RAPGEF2: variants seen among roughly 807,000 people sequenced by gnomAD.
RAPGEF2 encodes the protein PDZ domain containing guanine nucleotide exchange factor (GEF) 1.
Under a neutral mutation model 186.7 loss-of-function variants are expected in RAPGEF2, and 54 were observed. That is an observed-to-expected ratio of 0.29 (90% CI 0.23 to 0.36). The LOEUF (loss-of-function observed/expected upper bound fraction) is 0.36, where lower values mean the gene tolerates loss of function less well. RAPGEF2 is among the 10% of genes least tolerant of loss of function. RAPGEF2 has a pLI of 1.00. For missense variants in RAPGEF2, 1,532 were observed against 2,045.0 expected (o/e 0.75, Z 4.84); for synonymous variants, 712 against 705.9 (o/e 1.01, Z -0.14).
chr4:159,203,752 T>G (rs1485038267), intron 3 of RAPGEF2, among the ~76,000 whole-genome samples: 1 of 152,092 alleles, frequency 6.6e-6, no homozygotes, highest in Non-Finnish European at 1.5e-5. Context: ...GAGACGATCG[T>G]AAGAGAGGAA....
At chr4:159,279,973 C>G (rs1451370439) in intron 7 of RAPGEF2, among the ~76,000 whole-genome samples, 1 of 152,172 alleles carries the variant, frequency 6.6e-6, no homozygotes, top group Non-Finnish European at 1.5e-5. Flanking sequence ...GTGTGAGCCA[C>G]TGTGCCCGGC....
rs747477830 is a variant in RAPGEF2 at position 159,329,844 on chromosome 4, A to G, written c.1150-14A>G. 3.7e-6 allele frequency: 6 copies of G among 1,605,314 alleles called. No individual in the cohort carries two copies. Among genetic ancestry groups the G allele is most frequent in the South Asian group, 2.2e-5 (2 of 90,122 alleles). ...GCACTTTATCATTAACATGTGACTT[A>G]TGTTTTATTCCAGTTTGTCTGCATA... On this transcript the variant is annotated splice_polypyrimidine_tract_variant and intron_variant, in intron 11 of 29. Coordinates refer to ENST00000691494, the MANE Select transcript of RAPGEF2 (RefSeq NM_001394067.2).
chr4:159,338,370 A>T lies in RAPGEF2; in HGVS notation c.2195A>T (p.His732Leu). The T allele has an allele frequency of 6.2e-7, 1 of 1,614,182 alleles. No individual in the cohort carries two copies. Among genetic ancestry groups the T allele is most frequent in the South Asian group, 1.1e-5 (1 of 91,086 alleles). Residue 732 changes from histidine to leucine, a missense_variant, in exon 18 of 30, where the codon CAC becomes CTC. Coordinates refer to ENST00000691494, the MANE Select transcript of RAPGEF2 (RefSeq NM_001394067.2). ...DSIVGLRQTKHIPTALPVSGT... is the reference protein window; with the variant it reads ...DSIVGLRQTKLIPTALPVSGT... ...ATAGTAGGATTAAGGCAGACAAAGC[A>T]CATCCCAACTGCATTGCCTGTCAGT... is the stretch of plus-strand genomic sequence containing the variant.
chr4:159,145,468 ACCAAAAACATTGCCAAAACATTG>A (rs1405471620), intron 1 of RAPGEF2, among the ~76,000 whole-genome samples: 30 of 151,132 alleles, frequency 2.0e-4, no homozygotes, highest in Non-Finnish European at 4.0e-4. Flanking sequence ...GAGATAATTT[ACCAAAAACATTGCCAAAACATTG>A]CCAAAAACAT....
At chr4:159,218,768 A>AG (rs996743223) in intron 4 of RAPGEF2, among the ~76,000 whole-genome samples, 15 of 152,186 alleles carry the variant, frequency 9.9e-5, no homozygotes, top group Non-Finnish European at 2.1e-4. Flanking sequence ...AAAAAAAAAA[A>AG]GTCGTTTTCT....
chr4:159,220,586 G>A (rs561058379), intron 4 of RAPGEF2, among the ~76,000 whole-genome samples: 14 of 152,242 alleles, frequency 9.2e-5, no homozygotes, highest in South Asian at 8.3e-4. Flanking sequence ...GTTACTGATC[G>A]CTGTGGTCTG....
intron 20 of RAPGEF2, among the ~76,000 whole-genome samples, chr4:159,342,363 G>A (rs1314973064): frequency 6.6e-6 from 1 of 151,790 alleles, no homozygotes; most frequent in Non-Finnish European, 1.5e-5. Flanking sequence ...GCACAAAGCA[G>A]ATGGCCGGGA....
At chr4:159,219,424 G>C (rs6536397) in intron 4 of RAPGEF2, among the ~76,000 whole-genome samples, 96,567 of 143,702 alleles carry the variant, frequency 0.67, 33,217 homozygotes, top group African/African-American at 0.8. Flanking sequence ...GGTGCGATCT[G>C]GGCTCACTGC....
intron 7 of RAPGEF2, among the ~76,000 whole-genome samples, chr4:159,273,690 C>CTTTG (rs1758473881): frequency 7.6e-6 from 1 of 131,798 alleles, no homozygotes; most frequent in South Asian, 2.4e-4. Context: ...TTCTTTCTTT[C>CTTTG]TTTCTTTCTT....
chr4:159,251,412 C>G (rs1177198429), intron 7 of RAPGEF2, among the ~76,000 whole-genome samples: 1 of 152,364 alleles, frequency 6.6e-6, no homozygotes, highest in South Asian at 2.1e-4. Flanking sequence ...ACTTGGAGAA[C>G]TTTTGTGTCT....
Position 159,273,853 on chromosome 4 carries a change from C to T in RAPGEF2, c.543+30062C>T, listed in dbSNP as rs549006626. Among the ~76,000 whole-genome samples, 33 of 152,122 alleles carry T rather than the reference C, an allele frequency of 2.2e-4. No homozygotes were observed. In the South Asian group the frequency reaches 6.0e-3, roughly 28 times the overall value. Reference sequence around the variant, plus strand: ...TGTCGCCTGGGCTGGAGTGCAGTGGCGCAGTCTTGGCTCACTGCTACCTCC... The same window carrying T: ...TGTCGCCTGGGCTGGAGTGCAGTGGTGCAGTCTTGGCTCACTGCTACCTCC... On this transcript the variant is annotated intron_variant, in intron 7 of 29. Coordinates refer to ENST00000691494, the MANE Select transcript of RAPGEF2 (RefSeq NM_001394067.2).
At chr4:159,313,226 A>C (rs1764161913) in intron 8 of RAPGEF2, among the ~76,000 whole-genome samples, 1 of 152,244 alleles carries the variant, frequency 6.6e-6, no homozygotes, top group African/African-American at 2.4e-5. Context: ...AAAAGGATAG[A>C]TCCTTATATA....
intron 7 of RAPGEF2, among the ~76,000 whole-genome samples, chr4:159,250,091 A>G (rs1755125091): frequency 6.6e-6 from 1 of 152,196 alleles, no homozygotes; most frequent in Non-Finnish European, 1.5e-5. Flanking sequence ...TATTTTTAAA[A>G]CCTTACTAAA....
chr4:159,351,613 T>C (rs1046111530), intron 26 of RAPGEF2, among the ~76,000 whole-genome samples: 1 of 152,070 alleles, frequency 6.6e-6, no homozygotes, highest in Non-Finnish European at 1.5e-5. Context: ...AAAAAATGAA[T>C]ATTGAGAAAG....
intron 1 of RAPGEF2, among the ~76,000 whole-genome samples, chr4:159,110,091 CTG>C (rs1195018808): frequency 6.6e-6 from 1 of 152,136 alleles, no homozygotes; most frequent in Admixed American, 6.5e-5. Flanking sequence ...TATAGTAAAA[CTG>C]TGTTTGAATC....
At position 159,358,360 on chromosome 4, in the gene RAPGEF2, GC is replaced by G. The variant is rs1281978518; in HGVS notation, c.*222del. ...GCCCTGGCACTTTTCAGACTTTGTT[GC>G]TTGAAATGCACAGTGCAGCAATCTT... On this transcript the variant is annotated 3_prime_UTR_variant, in exon 30 of 30. Transcript: ENST00000691494. 1.9e-6 allele frequency: 1 copy of G among 535,286 alleles called. No homozygotes were observed. Among genetic ancestry groups the G allele is most frequent in the East Asian group, 3.0e-5 (1 of 33,594 alleles). The allele number at this position is 535,286 out of a possible 1,614,324, so 33.2% of individuals were successfully genotyped here.
chr4:159,347,057 A>G, intron 25 of RAPGEF2, 59 bp downstream of exon 25: 1 of 1,448,892 alleles, frequency 6.9e-7, no homozygotes, highest in South Asian at 1.2e-5. Context: ...TTTGCAAATT[A>G]GGAAAAAAAT....
chr4:159,346,118 C>G (rs575522418), intron 24 of RAPGEF2, among the ~76,000 whole-genome samples: 4 of 152,278 alleles, frequency 2.6e-5, no homozygotes, highest in Admixed American at 2.6e-4. Context: ...CCTTAGGCAA[C>G]TTACTTGACC....
intron 11 of RAPGEF2, among the ~76,000 whole-genome samples, chr4:159,326,125 C>T (rs1248009841): frequency 1.3e-5 from 2 of 152,150 alleles, no homozygotes; most frequent in Non-Finnish European, 2.9e-5. Context: ...AGCATTTTAT[C>T]CCTAAGGAAT....
Sources: allele counts gnomAD v4.1 joint callset (sites outside exome capture counted in the v4.1 genomes callset), GRCh38; gene constraint gnomAD v4.1.1; transcripts MANE v1.5; gene names NCBI Gene and HGNC (gene_info 2026-07-23, HGNC 2026-07-21).